SNTG1: variants seen among roughly 807,000 people sequenced by gnomAD.
SNTG1 encodes the protein syntrophin gamma 1, also known as gamma-1-syntrophin.
In SNTG1, 39 loss-of-function variants were observed where a neutral mutation model predicts 74.7. That is an observed-to-expected ratio of 0.52 (90% CI 0.40 to 0.68). The LOEUF (loss-of-function observed/expected upper bound fraction) is 0.68, where lower values mean the gene tolerates loss of function less well. Among genes scored for constraint, SNTG1 ranks in the 30% least tolerant of loss-of-function variants. The pLI is 0.00. For synonymous variants in SNTG1, 254 were observed against 217.1 expected (o/e 1.17, Z -1.49); for missense variants, 685 against 609.5 (o/e 1.12, Z -1.30).
chr8:50,778,132 T>C (rs1015475221), intron 18 of SNTG1, among the ~76,000 whole-genome samples: 3 of 152,184 alleles, frequency 2.0e-5, no homozygotes, highest in African/African-American at 7.2e-5. Context: ...TTCCAAGTGT[T>C]TGCTATTGTG....
intron 2 of SNTG1, chr8:50,286,887 T>G (rs1364087870): frequency 6.6e-6 from 1 of 152,208 alleles, no homozygotes; most frequent in Non-Finnish European, 1.5e-5. Context: ...GAAGCAGCTC[T>G]GATTGAGGTC....
At chr8:50,618,320 G>A (rs560294394) in intron 13 of SNTG1, among the ~76,000 whole-genome samples, 2 of 151,846 alleles carry the variant, frequency 1.3e-5, no homozygotes, top group African/African-American at 2.4e-5. Flanking sequence ...TACTTTCTAC[G>A]TTTTTATTTC....
intron 1 of SNTG1, among the ~76,000 whole-genome samples, chr8:50,034,626 T>A (rs967050879): frequency 2.6e-5 from 4 of 152,086 alleles, no homozygotes; most frequent in African/African-American, 9.7e-5. Flanking sequence ...TGCAAGGGTG[T>A]CCAATATTTT....
intron 18 of SNTG1, among the ~76,000 whole-genome samples, chr8:50,782,370 A>G (rs370205593): frequency 2.0e-5 from 3 of 152,186 alleles, no homozygotes; most frequent in South Asian, 2.1e-4. Context: ...GTCTTTTCAC[A>G]TAGTCCCACA....
chr8:50,085,512 G>A (rs1368475615), intron 1 of SNTG1, among the ~76,000 whole-genome samples: 1 of 152,202 alleles, frequency 6.6e-6, no homozygotes, highest in Admixed American at 6.5e-5. Flanking sequence ...TCTATGCACA[G>A]TGTAACCAGC....
At chr8:50,722,540 G>C (rs1405644581) in intron 17 of SNTG1, among the ~76,000 whole-genome samples, 5 of 152,100 alleles carry the variant, frequency 3.3e-5, no homozygotes, top group Non-Finnish European at 7.4e-5. Flanking sequence ...CTGTTTGCAT[G>C]CATTCCTTCA....
chr8:50,729,274 G>T (rs755876080), intron 17 of SNTG1, among the ~76,000 whole-genome samples: 2 of 152,082 alleles, frequency 1.3e-5, no homozygotes, highest in Non-Finnish European at 2.9e-5. Context: ...AGCTTATTAG[G>T]CAGACAGAGT....
At chr8:50,231,266 C>T (rs953585127) in intron 2 of SNTG1, among the ~76,000 whole-genome samples, 3 of 151,348 alleles carry the variant, frequency 2.0e-5, no homozygotes, top group Admixed American at 6.6e-5. Context: ...AAAGGGAACC[C>T]TCATACACTA....
At chr8:50,537,597 T>C (rs1487600743) in intron 11 of SNTG1, among the ~76,000 whole-genome samples, 1 of 152,146 alleles carries the variant, frequency 6.6e-6, no homozygotes, top group East Asian at 1.9e-4. Context: ...TTGAATCTCT[T>C]AACTTGTATG....
In SNTG1 at chr8:50,510,434, T is replaced by C. The variant is rs550104234; in HGVS notation, c.466+7554T>C. Among the ~76,000 whole-genome samples the C allele has an allele frequency of 2.6e-4, 39 of 152,334 alleles. No individual in the cohort carries two copies. In the South Asian group the frequency reaches 7.5e-3, roughly 29 times the overall value. On this transcript the variant is annotated intron_variant, in intron 9 of 18. Transcript: ENST00000642720. ...TCAGGATGATGCTGGCCTCATAAAA[T>C]GAGTTAGGGAGGATTCCCTCTTTTT...
intron 18 of SNTG1, among the ~76,000 whole-genome samples, chr8:50,758,536 T>C (rs1045182910): frequency 2.0e-5 from 3 of 152,060 alleles, no homozygotes; most frequent in African/African-American, 7.2e-5. Context: ...TGCGTTCTCA[T>C]TGTTCAGCTC....
intron 11 of SNTG1, among the ~76,000 whole-genome samples, chr8:50,546,504 G>A (rs754940510): frequency 5.3e-5 from 8 of 151,636 alleles, no homozygotes; most frequent in African/African-American, 1.9e-4. Flanking sequence ...TTAGCATTAG[G>A]TATATCTCCT....
intron 13 of SNTG1, among the ~76,000 whole-genome samples, chr8:50,629,969 A>G (rs1212227965): frequency 6.6e-6 from 1 of 152,208 alleles, no homozygotes; most frequent in Non-Finnish European, 1.5e-5. Flanking sequence ...GGCCTATGCA[A>G]TGATAGCCAT....
intron 9 of SNTG1, among the ~76,000 whole-genome samples, chr8:50,505,660 G>T (rs2094000002): frequency 6.6e-6 from 1 of 152,050 alleles, no homozygotes; most frequent in Non-Finnish European, 1.5e-5. Flanking sequence ...TTTCTTTGAA[G>T]ACATGTCTAT....
chr8:50,260,890 C>T (rs1227744626), intron 2 of SNTG1, among the ~76,000 whole-genome samples: 2 of 151,988 alleles, frequency 1.3e-5, no homozygotes, highest in East Asian at 3.9e-4. Flanking sequence ...TCTGTAGAAA[C>T]TTCCATACTG....
At chr8:50,326,311 A>G (rs2090745856) in intron 2 of SNTG1, among the ~76,000 whole-genome samples, 1 of 152,060 alleles carries the variant, frequency 6.6e-6, no homozygotes, top group Admixed American at 6.5e-5. Context: ...TTCATTTGGT[A>G]GAAGCGTTTT....
intron 13 of SNTG1, among the ~76,000 whole-genome samples, chr8:50,607,206 C>T (rs1220879680): frequency 6.6e-6 from 1 of 151,748 alleles, no homozygotes; most frequent in Non-Finnish European, 1.5e-5. Flanking sequence ...GATCTGGTAT[C>T]AGAGTAATGG....
chr8:50,106,721 G>T (rs2080386976), intron 1 of SNTG1, among the ~76,000 whole-genome samples: 1 of 152,086 alleles, frequency 6.6e-6, no homozygotes, highest in Non-Finnish European at 1.5e-5. Context: ...AATCCTTCTT[G>T]CATTCTCATG....
chr8:50,593,465 A>G (rs1275576166), intron 13 of SNTG1, among the ~76,000 whole-genome samples: 2 of 152,182 alleles, frequency 1.3e-5, no homozygotes, highest in Admixed American at 6.5e-5. Context: ...AGAAATCAAA[A>G]TCATAAGACA....
Sources: gnomAD v4.1 joint callset for allele counts (sites outside exome capture counted in the v4.1 genomes callset) on GRCh38, gnomAD v4.1.1 for gene constraint, MANE v1.5 for transcripts, NCBI Gene and HGNC (gene_info 2026-07-23, HGNC 2026-07-21) for gene names.